Variants in PSMD11 observed in about 807,000 individuals in gnomAD.
PSMD11 encodes the protein 26S proteasome non-ATPase regulatory subunit 11.
PSMD11 carries 5 observed loss-of-function variants against 62.3 expected under a neutral mutation model. The ratio of observed to expected loss-of-function variants is 0.08; its 90% CI spans 0.04 to 0.17. PSMD11 has a LOEUF of 0.17. Among genes scored for constraint, PSMD11 ranks in the 10% least tolerant of loss-of-function variants. PSMD11 has a pLI of 1.00. For synonymous variants in PSMD11, 191 were observed against 191.8 expected (o/e 1.00, Z 0.03); for missense variants, 310 against 512.9 (o/e 0.60, Z 3.82).
intron 5 of PSMD11, among the ~76,000 whole-genome samples, chr17:32,468,725 T>C (rs1908069507): frequency 6.6e-6 from 1 of 152,172 alleles, no homozygotes; most frequent in Admixed American, 6.5e-5. Flanking sequence ...AGGTAGAGAT[T>C]CCCACTGTAT....
At chr17:32,458,260 C>T (rs992677893) in intron 3 of PSMD11, among the ~76,000 whole-genome samples, 9 of 152,182 alleles carry the variant, frequency 5.9e-5, no homozygotes, top group Non-Finnish European at 1.0e-4. Flanking sequence ...CCTTCAGTGG[C>T]TTTCCATTGC....
At chr17:32,455,008 T>C (rs1907609861) in intron 3 of PSMD11, 1 of 177,244 alleles carries the variant, frequency 5.6e-6, no homozygotes, top group African/African-American at 2.4e-5. Context: ...ACTGCATATA[T>C]GCCTTTATTG....
At chr17:32,464,165 C>T (rs777590003) in intron 4 of PSMD11, 45 bp downstream of exon 4, 1 of 1,527,080 alleles carries the variant, frequency 6.5e-7, no homozygotes, top group Admixed American at 1.7e-5. Flanking sequence ...AAGCATGAGA[C>T]AGAGGGTGAA....
At position 32,479,716 on chromosome 17, in the gene PSMD11, A is replaced by G. The variant is rs1417569469; in HGVS notation, c.1039-135A>G. On this transcript the variant is annotated intron_variant, in intron 10 of 13. Coordinates refer to ENST00000261712, the MANE Select transcript of PSMD11 (RefSeq NM_002815.4). ...CAGGCAGATGGGCAGAGAACAAGAG[A>G]CTTAAGCACGGCCAAGGAGGGTCTT... 8.7e-6 allele frequency: 9 copies of G among 1,031,598 alleles called. No individual in the cohort carries two copies. In the Admixed American group the frequency reaches 1.9e-4, roughly 21 times the overall value. 63.9% of individuals were successfully genotyped at this position (1,031,598 alleles called of 1,614,324 possible).
chr17:32,457,685 C>T (rs1907690841), intron 3 of PSMD11, among the ~76,000 whole-genome samples: 1 of 152,128 alleles, frequency 6.6e-6, no homozygotes, highest in Non-Finnish European at 1.5e-5. Flanking sequence ...ACTGTCTCAC[C>T]TGCACCTCAG....
At chr17:32,474,642 C>A in intron 7 of PSMD11, 122 bp from the exon 8 acceptor site, 1 of 944,926 alleles carries the variant, frequency 1.1e-6, no homozygotes, top group South Asian at 1.4e-5. Flanking sequence ...AGGGGTTGGG[C>A]TGATTGTCTG....
At chr17:32,478,325 G>A (rs183375826) in intron 9 of PSMD11, among the ~76,000 whole-genome samples, 4 of 152,316 alleles carry the variant, frequency 2.6e-5, no homozygotes, top group Admixed American at 6.5e-5. Flanking sequence ...CCATCTTCCT[G>A]GAGGGCTCTT....
At chr17:32,464,974 T>G (rs1298916505) in intron 5 of PSMD11, among the ~76,000 whole-genome samples, 2 of 152,138 alleles carry the variant, frequency 1.3e-5, no homozygotes, top group Non-Finnish European at 2.9e-5. Context: ...ATACTTAAAA[T>G]CTATTTTAAA....
At chr17:32,467,165 G>A (rs1006025490) in intron 5 of PSMD11, among the ~76,000 whole-genome samples, 8 of 151,012 alleles carry the variant, frequency 5.3e-5, no homozygotes, top group Admixed American at 6.6e-5. Context: ...GCCTGGTCTC[G>A]AACTCTTGAC....
chr17:32,472,686 C>T (rs1024101319), intron 6 of PSMD11, among the ~76,000 whole-genome samples: 16 of 151,550 alleles, frequency 1.1e-4, no homozygotes, highest in African/African-American at 1.7e-4. Context: ...TACAGGTGCC[C>T]GCCACCATGC....
At position 32,444,538 on chromosome 17, in the gene PSMD11, G is replaced by A. The variant is rs143871497; in HGVS notation, c.15G>A (p.Ala5=). Residue 5 remains alanine (A), a synonymous_variant, in exon 1 of 14, where the codon GCG becomes GCA. Coordinates refer to ENST00000261712, the MANE Select transcript of PSMD11 (RefSeq NM_002815.4). ...AGAGCGGTAAGATGGCGGCGGCGGCGGTGGTGGAGTTCCAGAGAGCCCAGT... is the reference window on the plus strand; with the variant it reads ...AGAGCGGTAAGATGGCGGCGGCGGCAGTGGTGGAGTTCCAGAGAGCCCAGT... MAAA[A]VVEFQRAQSL... 8.1e-6 allele frequency: 13 copies of A among 1,605,314 alleles called. No homozygotes were observed. Among genetic ancestry groups the A allele is most frequent in the Non-Finnish European group, 9.4e-6 (11 of 1,176,344 alleles).
chr17:32,449,769 A>G (rs530845731), intron 2 of PSMD11, among the ~76,000 whole-genome samples: 1 of 152,226 alleles, frequency 6.6e-6, no homozygotes, highest in Admixed American at 6.5e-5. Flanking sequence ...TGTCTTTGCT[A>G]TTAATGATAT....
At chr17:32,477,646 A>C (rs748094915) in intron 9 of PSMD11, 63 bp downstream of exon 9, 1 of 1,385,156 alleles carries the variant, frequency 7.2e-7, no homozygotes, top group South Asian at 1.2e-5. Flanking sequence ...AAGTACTTCA[A>C]AACACACTTT....
chr17:32,473,675 A>G lies in PSMD11; in HGVS notation c.644-126A>G, dbSNP rs1341143756. ...CATGATCCTCCCATCTCAGCCTCCCAAAGTGTGGATTTACAGGTGTGAGCC... is the reference window on the plus strand; with the variant it reads ...CATGATCCTCCCATCTCAGCCTCCCGAAGTGTGGATTTACAGGTGTGAGCC... On this transcript the variant is annotated intron_variant, in intron 6 of 13. Transcript: ENST00000261712. 3 of 889,386 alleles carry G rather than the reference A, an allele frequency of 3.4e-6. No homozygotes were observed. In the East Asian group the frequency reaches 8.0e-5, roughly 24 times the overall value. 55.1% of individuals were successfully genotyped at this position (889,386 alleles called of 1,614,324 possible).
At chr17:32,459,125 T>TAC (rs1907741260) in intron 3 of PSMD11, among the ~76,000 whole-genome samples, 74 of 142,916 alleles carry the variant, frequency 5.2e-4, no homozygotes, top group African/African-American at 1.6e-3. Context: ...CATATATATA[T>TAC]ATATATATAT....
chr17:32,455,577 A>T (rs1419367732), intron 3 of PSMD11, among the ~76,000 whole-genome samples: 1 of 152,214 alleles, frequency 6.6e-6, no homozygotes, highest in African/African-American at 2.4e-5. Flanking sequence ...GAAACCTAGG[A>T]CACATGGATC....
chr17:32,464,838 C>T (rs1907948532), intron 5 of PSMD11, among the ~76,000 whole-genome samples: 1 of 152,048 alleles, frequency 6.6e-6, no homozygotes, highest in Admixed American at 6.6e-5. Flanking sequence ...AAATCAATTC[C>T]ATTTTAATAA....
chr17:32,469,908 C>T (rs1012086504), intron 6 of PSMD11, among the ~76,000 whole-genome samples: 1 of 151,968 alleles, frequency 6.6e-6, no homozygotes, highest in East Asian at 1.9e-4. Flanking sequence ...GGGCAAGTTA[C>T]TTAATTTATG....
rs1908421070 is a variant in PSMD11, at chr17:32,479,273, A to G, written c.935A>G (p.Glu312Gly). ...FEKALTDYRA[E>G]LRDDPIISTH... The stretch of plus-strand genomic sequence containing the variant: ...CAGGCTCTGACAGATTACCGGGCAG[A>G]GCTCCGGGATGACCCAATCATCAGC... The change falls in exon 10 of 14, where the codon GAG becomes GGG. Residue 312 changes from glutamate (E) to glycine (G), a missense_variant. Around this residue, in one of 6 missense-constraint regions of PSMD11, gnomAD observed 135 missense variants for 195.4 expected, o/e 0.69. Transcript: ENST00000261712. 3 of 1,614,004 alleles carry G rather than the reference A, an allele frequency of 1.9e-6. No homozygotes were observed.
Sources: allele counts gnomAD v4.1 joint callset (sites outside exome capture counted in the v4.1 genomes callset), GRCh38; gene constraint gnomAD v4.1.1; regional missense constraint gnomAD v4.1.1; transcripts MANE v1.5; gene names NCBI Gene and HGNC (gene_info 2026-07-23, HGNC 2026-07-21).